The following DPPA4 variants were observed in gnomAD, a reference collection of about 807,000 sequenced individuals.
The protein encoded by DPPA4 is developmental pluripotency-associated protein 4.
In DPPA4, 22 loss-of-function variants were observed where a neutral mutation model predicts 33.7. The observed-to-expected ratio is 0.65, with a 90% CI of 0.47 to 0.93. The LOEUF is 0.93. Among genes scored for constraint, DPPA4 ranks in the 40% least tolerant of loss-of-function variants. DPPA4 has a pLI of 0.00. For missense variants in DPPA4, 340 were observed against 358.6 expected, an observed-to-expected ratio of 0.95 and a Z score of 0.42; for synonymous variants, 156 against 132.3, an observed-to-expected ratio of 1.18 and a Z score of -1.23.
chr3:109,338,642 G>C (rs971076149), upstream of DPPA4, among the ~76,000 whole-genome samples: 1 of 151,996 alleles, frequency 6.6e-6, no homozygotes. Flanking sequence ...AGAAATCCAC[G>C]GACAGAAAAA....
intron 2 of DPPA4, chr3:109,333,277 G>C (rs945533731): frequency 6.7e-6 from 1 of 148,712 alleles, no homozygotes; most frequent in Non-Finnish European, 1.5e-5. Context: ...GGGAGGCACA[G>C]GTTGCAGGGA....
chr3:109,338,842 T>C (rs866945601), upstream of DPPA4, among the ~76,000 whole-genome samples: 7 of 151,464 alleles, frequency 4.6e-5, no homozygotes, highest in Middle Eastern at 3.4e-3. Context: ...GTGTATAAAG[T>C]GTATAACTGA....
intron 4 of DPPA4, 114 bp from the exon 5 acceptor site, chr3:109,330,926 A>G: frequency 1.0e-6 from 1 of 976,400 alleles, no homozygotes; most frequent in Non-Finnish European, 1.5e-6. Context: ...TAGGTTCAAG[A>G]GATCTATTGT....
intron 5 of DPPA4, 105 bp downstream of exon 5, chr3:109,330,419 C>T (rs779280481): frequency 1.5e-5 from 20 of 1,304,250 alleles, no homozygotes; most frequent in African/African-American, 7.2e-5. Context: ...CAGGAATCAC[C>T]GGCCCTCAAA....
chr3:109,329,067 T>C lies in DPPA4; in HGVS notation c.701A>G (p.His234Arg), dbSNP rs2107338968. Residue 234 changes from histidine (H) to arginine (R), a missense_variant, in exon 6 of 7, where the codon CAT (histidine) becomes CGT (arginine). His to Arg is a conservative substitution (Grantham distance 29, BLOSUM62 0). Transcript: ENST00000335658. ...TGTGTCTGCAGGGAGACTTTTCCCA[T>C]GGACCACACACCACCTGACACCTGG... Reference protein sequence around the residue: ...EASGVRWCVVHGKSLPADTDG... With the variant: ...EASGVRWCVVRGKSLPADTDG... The C allele has an allele frequency of 6.2e-7, 1 of 1,614,092 alleles. No homozygotes were observed. Among genetic ancestry groups the C allele is most frequent in the Non-Finnish European group, 8.5e-7 (1 of 1,180,020 alleles).
chr3:109,328,807 T>C, intron 6 of DPPA4, 83 bp downstream of exon 6: 2 of 1,268,062 alleles, frequency 1.6e-6, no homozygotes, highest in Non-Finnish European at 2.2e-6. Context: ...ACCTGGCTAT[T>C]TAAGATTAAT....
upstream of DPPA4, among the ~76,000 whole-genome samples, chr3:109,338,105 G>A (rs1289979259): frequency 6.6e-6 from 1 of 151,986 alleles, no homozygotes; most frequent in Non-Finnish European, 1.5e-5. Flanking sequence ...TTATTTTGTA[G>A]AGGGCAAGTG....
At chr3:109,329,165 T>C in intron 5 of DPPA4, 77 bp from the exon 6 acceptor site, 1 of 1,286,352 alleles carries the variant, frequency 7.8e-7, no homozygotes, top group Non-Finnish European at 1.1e-6. Flanking sequence ...TTATGGCCCA[T>C]CACCCTTGAT....
chr3:109,333,801 T>G, intron 2 of DPPA4, 69 bp downstream of exon 2: 1 of 1,568,116 alleles, frequency 6.4e-7, no homozygotes, highest in South Asian at 1.2e-5. Flanking sequence ...TGGTTTTTCT[T>G]CTTCAGAAAA....
At chr3:109,336,455 G>A (rs1216089398) in intron 1 of DPPA4, 1 of 152,106 alleles carries the variant, frequency 6.6e-6, no homozygotes, top group Non-Finnish European at 1.5e-5. Flanking sequence ...TTCAGTTTCT[G>A]TCTGCATTGT....
rs927850413 is a variant in DPPA4 at position 109,327,819 on chromosome 3, G to C, written c.*169C>G. The C allele has an allele frequency of 1.1e-5, 6 of 530,692 alleles. No homozygotes were observed. The highest frequency in any genetic ancestry group is 2.0e-5 in the Non-Finnish European group (6 of 297,316). 32.9% of individuals were successfully genotyped at this position (530,692 alleles called of 1,614,324 possible). A position where few individuals can be genotyped will look rare whatever the true frequency, so the allele number is the denominator to read the frequency against. On this transcript the variant is annotated 3_prime_UTR_variant, in exon 7 of 7. Transcript: ENST00000335658. ...AAGAGTCTCTATCTCCACTCACAAA[G>C]CAACAGGCACTGCTAGGGGTCTTAG...
intron 2 of DPPA4, among the ~76,000 whole-genome samples, chr3:109,332,514 G>A (rs575206266): frequency 1.3e-5 from 2 of 152,164 alleles, no homozygotes; most frequent in South Asian, 2.1e-4. Context: ...GCTCCTTTGT[G>A]AGCTCCTTAA....
Position 109,330,375 on chromosome 3 carries a change from C to T in DPPA4, c.679+149G>A, listed in dbSNP as rs115925403. On this transcript the variant is annotated intron_variant, in intron 5 of 6. Transcript: ENST00000335658. ...TGCAAATAAATGCTCAGGTCCTGCC[C>T]TAGACCTGCACCAGAAACTCTGTGG... The T allele has an allele frequency of 2.0e-5, 16 of 819,252 alleles. No homozygotes were observed. The Admixed American group carries it at 3.3e-4, about 17-fold the overall frequency. The allele number at this position is 819,252 out of a possible 1,614,324, so 50.7% of individuals were successfully genotyped here.
upstream of DPPA4, among the ~76,000 whole-genome samples, chr3:109,338,689 C>G (rs1448065941): frequency 6.6e-6 from 1 of 152,110 alleles, no homozygotes. Flanking sequence ...GAAGGAAGTG[C>G]AGGTTGTGGA....
chr3:109,338,973 C>T (rs1173505635), upstream of DPPA4, among the ~76,000 whole-genome samples: 1 of 151,946 alleles, frequency 6.6e-6, no homozygotes, highest in Non-Finnish European at 1.5e-5. Flanking sequence ...GGGCAGGTCA[C>T]TTGAGTTCAG....
Position 109,330,492 on chromosome 3 carries a change from G to A in DPPA4, c.679+32C>T, listed in dbSNP as rs886587168. On this transcript the variant is annotated intron_variant, in intron 5 of 6. Coordinates refer to ENST00000335658, the MANE Select transcript of DPPA4 (RefSeq NM_018189.4). ...TATCTACTAAGCTTATTTCCCCATTGGACCAGAATAAGCTCTTCATGTTGC... is the reference window on the plus strand; with the variant it reads ...TATCTACTAAGCTTATTTCCCCATTAGACCAGAATAAGCTCTTCATGTTGC... 8 of 1,610,352 alleles carry A rather than the reference G, an allele frequency of 5.0e-6. No individual in the cohort carries two copies. In the African/African-American group the frequency reaches 5.4e-5, roughly 11 times the overall value.
chr3:109,339,254 T>C (rs914192136), upstream of DPPA4, among the ~76,000 whole-genome samples: 1 of 151,500 alleles, frequency 6.6e-6, no homozygotes, highest in African/African-American at 2.5e-5. Flanking sequence ...GCCAGATTGA[T>C]TCATTTTTAA....
chr3:109,331,260 C>CAAAAAAAAAAAAAAAAAAAAAAAA (rs10593582), intron 4 of DPPA4, among the ~76,000 whole-genome samples: 8 of 58,390 alleles, frequency 1.4e-4, no homozygotes, highest in African/African-American at 3.8e-4. Context: ...GACTCTGTCT[C>CAAAAAAAAAAAAAAAAAAAAAAAA]AAAAAAAAAA....
chr3:109,330,626 C>G lies in DPPA4; in HGVS notation c.577G>C (p.Val193Leu), dbSNP rs375086646. The change falls in exon 5 of 7, where the codon GTG (valine) becomes CTG (leucine). Residue 193 changes from valine (V) to leucine (L), a missense_variant. This residue lies in a region of DPPA4 where 212 missense variants were observed against 206.5 expected (regional missense o/e 1.03). Coordinates refer to ENST00000335658, the MANE Select transcript of DPPA4 (RefSeq NM_018189.4). ...GCCTCTGGGGCAGAAGTTGTCACCA[C>G]AACTGTATTAACTCCCTCAAGGAGA... ...TALLEGVNTV[V>L]VTTSAPEALL... 5.9e-5 allele frequency: 95 copies of G among 1,614,054 alleles called. No individual in the cohort carries two copies. Among genetic ancestry groups the G allele is most frequent in the Non-Finnish European group, 7.6e-5 (90 of 1,180,048 alleles).
Sources: gnomAD v4.1 joint callset for allele counts (sites outside exome capture counted in the v4.1 genomes callset) on GRCh38, gnomAD v4.1.1 for gene constraint, gnomAD v4.1.1 regional missense constraint, MANE v1.5 for transcripts, NCBI Gene and HGNC (gene_info 2026-07-23, HGNC 2026-07-21) for gene names.